Variants in RAPGEF6 observed in about 807,000 individuals in gnomAD.
RAPGEF6 encodes the protein PDZ domain containing guanine nucleotide exchange factor (GEF) 2.
Under a neutral mutation model 171.4 loss-of-function variants are expected in RAPGEF6, and 56 were observed. The ratio of observed to expected loss-of-function variants is 0.33; its 90% CI spans 0.26 to 0.41. The LOEUF is 0.41. Ranked by LOEUF, RAPGEF6 falls within the 10% of genes least tolerant of loss-of-function variation. RAPGEF6 has a pLI of 1.00. For synonymous variants in RAPGEF6, 692 were observed against 650.1 expected, an observed-to-expected ratio of 1.06 and a Z score of -0.98; for missense variants, 1,674 against 1,921.4, an observed-to-expected ratio of 0.87 and a Z score of 2.41.
At chr5:131,566,945 T>G (rs2149974354) in intron 4 of RAPGEF6, among the ~76,000 whole-genome samples, 1 of 151,810 alleles carries the variant, frequency 6.6e-6, no homozygotes, top group East Asian at 1.9e-4. Flanking sequence ...AATACAAAAT[T>G]TATCTGGGCG....
chr5:131,430,804 C>G, intron 26 of RAPGEF6, 55 bp downstream of exon 26: 1 of 1,579,832 alleles, frequency 6.3e-7, no homozygotes, highest in Non-Finnish European at 8.6e-7. Context: ...TATCCCAATG[C>G]CATTTTTTGA....
intron 17 of RAPGEF6, chr5:131,469,798 T>TA (rs1332776036): frequency 2.6e-6 from 4 of 1,516,306 alleles, no homozygotes; most frequent in South Asian, 2.4e-5. Context: ...TTAAGATACT[T>TA]ACAATAAAAA....
chr5:131,628,789 A>G (rs577992074), intron 1 of RAPGEF6, among the ~76,000 whole-genome samples: 4 of 152,304 alleles, frequency 2.6e-5, no homozygotes, highest in African/African-American at 9.6e-5. Flanking sequence ...ATTATGTTAA[A>G]TCTATTCTGC....
At chr5:131,520,419 T>C (rs1758400163) in intron 7 of RAPGEF6, among the ~76,000 whole-genome samples, 1 of 152,252 alleles carries the variant, frequency 6.6e-6, no homozygotes, top group South Asian at 2.1e-4. Context: ...GTAATTATAG[T>C]ATTTGGTTAT....
chr5:131,551,935 A>T (rs572787065), intron 5 of RAPGEF6, among the ~76,000 whole-genome samples: 25 of 152,116 alleles, frequency 1.6e-4, no homozygotes, highest in Non-Finnish European at 2.8e-4. Context: ...TGTAAGATTT[A>T]AAAAAAATAA....
chr5:131,468,331 CAA>C lies in RAPGEF6; in HGVS notation c.2240-4052_2240-4051del, dbSNP rs397760383. 9.9e-3 allele frequency among the ~76,000 whole-genome samples: 456 copies of C among 46,066 alleles called. 11 individuals carry two copies. The highest frequency in any genetic ancestry group is 0.085 in the Admixed American group (410 of 4,806). The allele number at this position is 46,066 out of a possible 152,430, so 30.2% of individuals were successfully genotyped here. On this transcript the variant is annotated intron_variant, in intron 17 of 27. Coordinates refer to ENST00000509018, the MANE Select transcript of RAPGEF6 (RefSeq NM_016340.6). ...TGGGTGACAAAGCGAGACTCCATCTCAAAAAAAAAAAAAAAAAAAAAAATCTT... is the reference window on the plus strand; with the variant it reads ...TGGGTGACAAAGCGAGACTCCATCTCAAAAAAAAAAAAAAAAAAAAATCTT...
intron 23 of RAPGEF6, chr5:131,439,934 A>G: frequency 1.3e-6 from 1 of 763,948 alleles, no homozygotes; most frequent in Non-Finnish European, 2.0e-6. Context: ...CATGGACCAG[A>G]TTATATTAGT....
At chr5:131,436,413 G>A in intron 24 of RAPGEF6, 4 of 1,502,578 alleles carry the variant, frequency 2.7e-6, no homozygotes, top group Non-Finnish European at 3.6e-6. Flanking sequence ...CCCTGACATG[G>A]TCAATCACAA....
At chr5:131,543,139 C>T (rs1760267568) in intron 6 of RAPGEF6, among the ~76,000 whole-genome samples, 1 of 152,064 alleles carries the variant, frequency 6.6e-6, no homozygotes, top group Non-Finnish European at 1.5e-5. Flanking sequence ...AGGCCATAAA[C>T]AGATTTAAGA....
chr5:131,452,449 AAC>A lies in RAPGEF6; in HGVS notation c.3200+603_3200+604del, dbSNP rs912757612. ...GTAATAAAAACTTATATACAAATGAAACACAGTATAATTTGAGAAAAAGAAAA... is the reference window on the plus strand; with the variant it reads ...GTAATAAAAACTTATATACAAATGAAACAGTATAATTTGAGAAAAAGAAAA... On this transcript the variant is annotated intron_variant, in intron 21 of 27. Transcript: ENST00000509018. Among the ~76,000 whole-genome samples the A allele has an allele frequency of 1.5e-4, 23 of 152,314 alleles. No homozygotes were observed. In the East Asian group the frequency reaches 2.5e-3, roughly 17 times the overall value.
At chr5:131,612,273 TTC>T (rs1470440163) in intron 1 of RAPGEF6, among the ~76,000 whole-genome samples, 1 of 147,502 alleles carries the variant, frequency 6.8e-6, no homozygotes, top group African/African-American at 2.5e-5. Flanking sequence ...CATTCAATCA[TTC>T]TGTTTTTCAC....
At chr5:131,625,752 C>G (rs568126145) in intron 1 of RAPGEF6, among the ~76,000 whole-genome samples, 1 of 149,538 alleles carries the variant, frequency 6.7e-6, no homozygotes, top group Non-Finnish European at 1.5e-5. Context: ...GGAGGTGGAG[C>G]TTGCAGTCAG....
Position 131,516,661 on chromosome 5 carries a change from T to C in RAPGEF6, c.627+4729A>G, listed in dbSNP as rs111603082. Among the ~76,000 whole-genome samples, 270 of 152,286 alleles carry C rather than the reference T, an allele frequency of 1.8e-3. 1 individual carries two copies. Among genetic ancestry groups the C allele is most frequent in the African/African-American group, 5.8e-3 (243 of 41,558 alleles). On this transcript the variant is annotated intron_variant, in intron 7 of 27. Coordinates refer to ENST00000509018, the MANE Select transcript of RAPGEF6 (RefSeq NM_016340.6). ...CAATATTTCACAGTTTTCCAGCTCA[T>C]GGAAAAGACTGAAATAAATAGAAAA...
intron 21 of RAPGEF6, among the ~76,000 whole-genome samples, chr5:131,448,194 G>A (rs1415677831): frequency 6.6e-6 from 1 of 151,666 alleles, no homozygotes; most frequent in African/African-American, 2.4e-5. Context: ...GGGGAAGGAG[G>A]GTTCTGGAAA....
intron 15 of RAPGEF6, among the ~76,000 whole-genome samples, chr5:131,483,539 T>C (rs745844548): frequency 6.6e-6 from 1 of 151,894 alleles, no homozygotes; most frequent in Non-Finnish European, 1.5e-5. Flanking sequence ...TATCAGACAT[T>C]GTACATGAAT....
chr5:131,426,286 C>T lies in RAPGEF6; in HGVS notation c.*980G>A, dbSNP rs1016009752. ...GTCAAATTCGTCTTCATTATTACAA[C>T]ACCCATGATAAGAATTTCTTTAAAA... On this transcript the variant is annotated 3_prime_UTR_variant, in exon 28 of 28. Transcript: ENST00000509018. 1 of 152,322 alleles carries T rather than the reference C, an allele frequency of 6.6e-6. No individual in the cohort carries two copies. The highest frequency in any genetic ancestry group is 2.4e-5 in the African/African-American group (1 of 41,452). The allele number at this position is 152,322 out of a possible 1,614,324, so 9.4% of individuals were successfully genotyped here.
In RAPGEF6 at chr5:131,433,649, A is replaced by T. The variant is rs775046739; in HGVS notation, c.3755T>A (p.Leu1252His). The T allele has an allele frequency of 7.5e-6, 12 of 1,605,354 alleles. No individual in the cohort carries two copies. In the South Asian group the frequency reaches 1.3e-4, roughly 18 times the overall value. Residue 1252 changes from leucine to histidine, a missense_variant, in exon 25 of 28, where the codon CTT (leucine) becomes CAT (histidine). Physicochemically the swap from Leu to His is moderately conservative, Grantham distance 99. Transcript: ENST00000509018. ...GTTGTCAGATTTAGCTGATGGAATA[A>T]GTGTGTAACCTGAACAAGAAAAGAG... is the stretch of plus-strand genomic sequence containing the variant. The part of the protein sequence containing the change: ...PQGSPHKGYT[L>H]IPSAKSDNLS...
chr5:131,517,455 T>C (rs917244005), intron 7 of RAPGEF6, among the ~76,000 whole-genome samples: 5 of 150,578 alleles, frequency 3.3e-5, no homozygotes, highest in Non-Finnish European at 7.4e-5. Flanking sequence ...AAAAAATTGC[T>C]GTTAGGATAT....
chr5:131,436,009 C>G (rs1269424364), intron 24 of RAPGEF6: 1 of 1,536,738 alleles, frequency 6.5e-7, no homozygotes, highest in South Asian at 1.2e-5. Context: ...TAAAGTGTTA[C>G]TGTTGCCTTG....
Sources: gnomAD v4.1 joint callset for allele counts (sites outside exome capture counted in the v4.1 genomes callset) on GRCh38, gnomAD v4.1.1 for gene constraint, MANE v1.5 for transcripts, NCBI Gene and HGNC (gene_info 2026-07-23, HGNC 2026-07-21) for gene names.